Variants in CNTNAP5 observed in about 807,000 individuals in gnomAD.
CNTNAP5 encodes the protein contactin-associated protein-like 5.
In CNTNAP5, 72 loss-of-function variants were observed where a neutral mutation model predicts 150.2. The ratio of observed to expected loss-of-function variants is 0.48; its 90% confidence interval spans 0.40 to 0.58. The LOEUF (loss-of-function observed/expected upper bound fraction) is 0.58, where lower values mean the gene tolerates loss of function less well. CNTNAP5 is among the 20% of genes least tolerant of loss of function. The probability of loss-of-function intolerance (pLI) is 0.00; values close to 1 mark genes in which losing one functional copy is unlikely to be tolerated. For synonymous variants in CNTNAP5, 672 were observed against 619.8 expected (o/e 1.08, Z -1.25); for missense variants, 1,636 against 1,626.2 (o/e 1.01, Z -0.10).
chr2:124,247,851 GTT>G (rs1687069531), intron 3 of CNTNAP5, among the ~76,000 whole-genome samples: 1 of 152,060 alleles, frequency 6.6e-6, no homozygotes, highest in South Asian at 2.1e-4. Flanking sequence ...ACACTTCTCT[GTT>G]TTAATTTTTT....
rs534218087 is a variant in CNTNAP5, at chr2:124,607,405, G to A, written c.1757-2396G>A. On this transcript the variant is annotated intron_variant, in intron 11 of 23. Transcript: ENST00000682447. ...TACATTGGAGTTGGCTTCTACCACC[G>A]TGAGTGACCTAGAACACCCAAGATG... Among the ~76,000 whole-genome samples the A allele has an allele frequency of 2.6e-5, 4 of 152,234 alleles. No individual in the cohort carries two copies. In the East Asian group the frequency reaches 7.7e-4, roughly 29 times the overall value.
At chr2:124,346,729 A>G (rs545187751) in intron 3 of CNTNAP5, among the ~76,000 whole-genome samples, 1 of 152,054 alleles carries the variant, frequency 6.6e-6, no homozygotes, top group East Asian at 1.9e-4. Flanking sequence ...TTGATTACCG[A>G]TTTTACTACT....
At chr2:124,387,449 A>G (rs1335081148) in intron 3 of CNTNAP5, among the ~76,000 whole-genome samples, 1 of 152,240 alleles carries the variant, frequency 6.6e-6, no homozygotes, top group Admixed American at 6.5e-5. Flanking sequence ...GGTGGGCTGA[A>G]TCCGAAAAGA....
chr2:124,855,047 G>T lies in CNTNAP5; in HGVS notation c.3218-10259G>T. On this transcript the variant is annotated intron_variant, in intron 19 of 23. Coordinates refer to ENST00000682447, the MANE Select transcript of CNTNAP5 (RefSeq NM_001367498.1). ...ATTTGGAGGGATACTGCGTGTTCAG[G>T]TGTGTGACTAAGATATAATAATACA... Among the ~76,000 whole-genome samples, 2 of 152,082 alleles carry T rather than the reference G, an allele frequency of 1.3e-5. 1 individual carries two copies. Among genetic ancestry groups the T allele is most frequent in the Non-Finnish European group, 2.9e-5 (2 of 68,028 alleles).
chr2:124,154,773 C>T (rs1348674493), intron 1 of CNTNAP5, among the ~76,000 whole-genome samples: 1 of 152,078 alleles, frequency 6.6e-6, no homozygotes, highest in Non-Finnish European at 1.5e-5. Flanking sequence ...GGGATGAATG[C>T]AGCCTCAAGC....
Position 124,891,527 on chromosome 2 carries a change from A to G in CNTNAP5, c.3437-11355A>G, listed in dbSNP as rs559836169. Reference sequence around the variant, plus strand: ...CAGGCACTATATTCATCCCCATTTTATAAATAAGAAAATTGAGCCCAAAAG... The same window carrying G: ...CAGGCACTATATTCATCCCCATTTTGTAAATAAGAAAATTGAGCCCAAAAG... On this transcript the variant is annotated intron_variant, in intron 21 of 23. Coordinates refer to ENST00000682447, the MANE Select transcript of CNTNAP5 (RefSeq NM_001367498.1). 8.5e-5 allele frequency among the ~76,000 whole-genome samples: 13 copies of G among 152,208 alleles called. No homozygotes were observed. The South Asian group carries it at 2.7e-3, about 32-fold the overall frequency.
chr2:124,305,799 C>A (rs1688674391), intron 3 of CNTNAP5, among the ~76,000 whole-genome samples: 1 of 152,168 alleles, frequency 6.6e-6, no homozygotes, highest in South Asian at 2.1e-4. Context: ...TATTGAACTT[C>A]TCAGCCTCCA....
intron 3 of CNTNAP5, among the ~76,000 whole-genome samples, chr2:124,253,743 T>G (rs937393239): frequency 6.6e-6 from 1 of 152,184 alleles, no homozygotes; most frequent in Admixed American, 6.6e-5. Flanking sequence ...CTAATCAGGA[T>G]AGTAGACTCC....
chr2:124,436,349 G>T (rs1288066387), intron 5 of CNTNAP5, among the ~76,000 whole-genome samples: 1 of 152,110 alleles, frequency 6.6e-6, no homozygotes, highest in Non-Finnish European at 1.5e-5. Context: ...CATAGGTGTG[G>T]TCATGTAACA....
chr2:124,295,325 A>G (rs4405771), intron 3 of CNTNAP5, among the ~76,000 whole-genome samples: 3,405 of 150,716 alleles, frequency 0.023, 129 homozygotes, highest in African/African-American at 0.077. Context: ...TATGGAATGG[A>G]TTATGTGGTG....
intron 1 of CNTNAP5, among the ~76,000 whole-genome samples, chr2:124,149,686 C>T (rs1037818458): frequency 2.6e-5 from 4 of 152,182 alleles, no homozygotes; most frequent in Admixed American, 6.5e-5. Flanking sequence ...AGCGCCAATC[C>T]GAGTGAGAAT....
chr2:124,159,669 T>C (rs1297601957), intron 1 of CNTNAP5, among the ~76,000 whole-genome samples: 2 of 152,186 alleles, frequency 1.3e-5, no homozygotes, highest in South Asian at 2.1e-4. Flanking sequence ...ACAGCTAATA[T>C]GTGAAATTCT....
intron 4 of CNTNAP5, among the ~76,000 whole-genome samples, chr2:124,427,975 C>T (rs1315585369): frequency 6.6e-6 from 1 of 152,134 alleles, no homozygotes; most frequent in Admixed American, 6.5e-5. Context: ...TGAGGTCTTA[C>T]ATTCTGTATT....
chr2:124,119,678 A>T (rs1261184901), intron 1 of CNTNAP5, among the ~76,000 whole-genome samples: 1 of 152,130 alleles, frequency 6.6e-6, no homozygotes, highest in East Asian at 1.9e-4. Context: ...GAGACCTAGG[A>T]GGGATGATCA....
At chr2:124,291,257 C>T (rs1453523143) in intron 3 of CNTNAP5, among the ~76,000 whole-genome samples, 3 of 152,040 alleles carry the variant, frequency 2.0e-5, no homozygotes, top group Non-Finnish European at 4.4e-5. Flanking sequence ...TTTTAAATTA[C>T]TGTTAAAATT....
intron 3 of CNTNAP5, among the ~76,000 whole-genome samples, chr2:124,362,993 G>A (rs1275981951): frequency 1.3e-5 from 2 of 152,050 alleles, no homozygotes; most frequent in Non-Finnish European, 1.5e-5. Flanking sequence ...TCAAGATACA[G>A]CAAAAAAGCA....
chr2:124,147,729 G>A (rs1684289686), intron 1 of CNTNAP5, among the ~76,000 whole-genome samples: 1 of 152,310 alleles, frequency 6.6e-6, no homozygotes, highest in Admixed American at 6.5e-5. Flanking sequence ...CTGTCACCAA[G>A]AGGCAAGTGG....
chr2:124,817,320 A>T (rs1188136250), intron 19 of CNTNAP5, among the ~76,000 whole-genome samples: 1 of 152,220 alleles, frequency 6.6e-6, no homozygotes, highest in Non-Finnish European at 1.5e-5. Flanking sequence ...AAGTAGATGC[A>T]TTCCATTTGT....
At chr2:124,744,183 G>A (rs1325562918) in intron 13 of CNTNAP5, among the ~76,000 whole-genome samples, 8 of 151,978 alleles carry the variant, frequency 5.3e-5, no homozygotes, top group African/African-American at 1.9e-4. Flanking sequence ...ATTGAATCAT[G>A]GGTGCAATTT....
Sources: allele counts gnomAD v4.1 joint callset (sites outside exome capture counted in the v4.1 genomes callset), GRCh38; gene constraint gnomAD v4.1.1; transcripts MANE v1.5; gene names NCBI Gene and HGNC (gene_info 2026-07-23, HGNC 2026-07-21).